PHF21B: variants seen among roughly 807,000 people sequenced by gnomAD.
PHF21B encodes PHD finger protein 21B.
A neutral mutation model predicts 62.2 loss-of-function variants in PHF21B; 22 were observed. The ratio of observed to expected loss-of-function variants is 0.35; its 90% CI spans 0.25 to 0.51. The LOEUF is 0.51. PHF21B is among the 20% of genes least tolerant of loss of function. The pLI, the probability that PHF21B is intolerant of heterozygous loss-of-function variation, is 0.97. For missense variants in PHF21B, 701 were observed against 707.9 expected, an observed-to-expected ratio of 0.99 and a Z score of 0.11; for synonymous variants, 341 against 314.7, an observed-to-expected ratio of 1.08 and a Z score of -0.88.
rs777104211 is a variant in PHF21B at position 44,916,300 on chromosome 22, G to A, written c.544C>T (p.Leu182Phe). Residue 182 changes from leucine (L) to phenylalanine (F), a missense_variant, in exon 4 of 13, where the codon CTC becomes TTC. Leu to Phe is a conservative substitution (Grantham distance 22). Transcript: ENST00000313237. ...VSDSIKVQPL[L>F]ISADNKPPPR... ...CTCACCTTGTTGTCAGCACTGATGAGGAGGGGCTGGACTTTGATGCTGTCA... is the reference window on the plus strand; with the variant it reads ...CTCACCTTGTTGTCAGCACTGATGAAGAGGGGCTGGACTTTGATGCTGTCA... 6.2e-7 allele frequency: 1 copy of A among 1,605,970 alleles called. No individual in the cohort carries two copies. The highest frequency in any genetic ancestry group is 1.7e-5 in the Admixed American group (1 of 57,580).
intron 2 of PHF21B, among the ~76,000 whole-genome samples, chr22:44,955,990 A>G (rs1165073457): frequency 6.6e-6 from 1 of 152,202 alleles, no homozygotes; most frequent in Non-Finnish European, 1.5e-5. Flanking sequence ...GGCCCACGAC[A>G]GGGAGGCACG....
chr22:44,965,049 G>A (rs1378506130), intron 2 of PHF21B, among the ~76,000 whole-genome samples: 1 of 152,164 alleles, frequency 6.6e-6, no homozygotes, highest in Admixed American at 6.5e-5. Context: ...CTGTGATATG[G>A]GGGGGCTCCC....
At chr22:45,008,794 C>G (rs2073373769) in intron 1 of PHF21B, 184 bp from the exon 2 acceptor site, 1 of 1,170,044 alleles carries the variant, frequency 8.5e-7, no homozygotes, top group Admixed American at 4.6e-5. Flanking sequence ...GGCCGCTTAC[C>G]TGTGGCTGCC....
At chr22:44,991,827 G>C (rs556924887) in intron 2 of PHF21B, among the ~76,000 whole-genome samples, 1 of 152,248 alleles carries the variant, frequency 6.6e-6, no homozygotes, top group Admixed American at 6.5e-5. Context: ...GGCTGCCCTC[G>C]CTGGCCTTAC....
At position 44,894,015 on chromosome 22, in the gene PHF21B, C is replaced by T. The variant is rs180833596; in HGVS notation, c.884-482G>A. 4.5e-3 allele frequency among the ~76,000 whole-genome samples: 679 copies of T among 152,328 alleles called. 5 individuals carry two copies. Among genetic ancestry groups the T allele is most frequent in the Non-Finnish European group, 5.2e-3 (351 of 68,026 alleles). ...TCCTTCGCATGCGAGCGAGAGGGGG[C>T]ATGGCCACACTGACGGTGTTTTCTT... On this transcript the variant is annotated intron_variant, in intron 6 of 12. Transcript: ENST00000313237.
At chr22:44,884,527 G>GCAC in intron 12 of PHF21B, among the ~76,000 whole-genome samples, 1 of 139,442 alleles carries the variant, frequency 7.2e-6, no homozygotes, top group South Asian at 2.4e-4. Context: ...ACTGTGATCA[G>GCAC]CACCATCATC....
chr22:44,975,375 A>T (rs1003166451), intron 2 of PHF21B, among the ~76,000 whole-genome samples: 1 of 151,920 alleles, frequency 6.6e-6, no homozygotes, highest in African/African-American at 2.4e-5. Flanking sequence ...GGTGTCTCAC[A>T]GAGCCATAAG....
At chr22:44,942,038 G>A (rs376570858) in intron 2 of PHF21B, among the ~76,000 whole-genome samples, 1 of 152,218 alleles carries the variant, frequency 6.6e-6, no homozygotes, top group Non-Finnish European at 1.5e-5. Flanking sequence ...AGGCCCAGTG[G>A]GGGGAATGCG....
chr22:44,965,110 GCCTGGGAC>G (rs2072499102), intron 2 of PHF21B, among the ~76,000 whole-genome samples: 1 of 152,144 alleles, frequency 6.6e-6, no homozygotes, highest in Non-Finnish European at 1.5e-5. Context: ...CTGAGTCCCA[GCCTGGGAC>G]TCAACCGGCT....
chr22:44,931,492 C>A (rs1044953326), intron 2 of PHF21B, among the ~76,000 whole-genome samples: 1 of 152,154 alleles, frequency 6.6e-6, no homozygotes, highest in Non-Finnish European at 1.5e-5. Context: ...AAGTGGCTAC[C>A]GTATGCTGAC....
intron 2 of PHF21B, among the ~76,000 whole-genome samples, chr22:44,984,176 TCACAACCACCATCATCAC>T (rs2072900859): frequency 7.1e-6 from 1 of 140,914 alleles, no homozygotes; most frequent in African/African-American, 2.6e-5. Context: ...ATCATCACCA[TCACAACCACCATCATCAC>T]CACCACTACC....
chr22:44,982,804 C>T (rs886064437), intron 2 of PHF21B, among the ~76,000 whole-genome samples: 3 of 152,068 alleles, frequency 2.0e-5, no homozygotes, highest in African/African-American at 4.8e-5. Flanking sequence ...GTGTGTATTA[C>T]GGGAGCAGCA....
chr22:44,922,442 G>A lies in PHF21B; in HGVS notation c.121-1952C>T, dbSNP rs576562590. On this transcript the variant is annotated intron_variant, in intron 2 of 12. Transcript: ENST00000313237. Reference sequence around the variant, plus strand: ...GAGGTCAGGAGTTCAAGACCAGCCTGACCAACATGGAGAAACCCCATCTCT... The same window carrying A: ...GAGGTCAGGAGTTCAAGACCAGCCTAACCAACATGGAGAAACCCCATCTCT... 3.9e-5 allele frequency among the ~76,000 whole-genome samples: 6 copies of A among 152,294 alleles called. No individual in the cohort carries two copies. The East Asian group carries it at 9.7e-4, about 25-fold the overall frequency.
rs368520909 is a variant in PHF21B, at chr22:44,913,233, G to A, written c.831+589C>T. On this transcript the variant is annotated intron_variant, in intron 5 of 12. Coordinates refer to ENST00000313237, the MANE Select transcript of PHF21B (RefSeq NM_138415.5). ...CCTTCAGGAGACATCTGCACCTCTCGTGCCAGCCTGGGGCACAGCTACTTC... is the reference window on the plus strand; with the variant it reads ...CCTTCAGGAGACATCTGCACCTCTCATGCCAGCCTGGGGCACAGCTACTTC... Among the ~76,000 whole-genome samples the A allele has an allele frequency of 2.0e-4, 31 of 152,302 alleles. No individual in the cohort carries two copies. In the South Asian group the frequency reaches 5.6e-3, roughly 27 times the overall value.
intron 2 of PHF21B, among the ~76,000 whole-genome samples, chr22:44,923,345 A>G (rs909999960): frequency 6.6e-6 from 1 of 152,084 alleles, no homozygotes; most frequent in African/African-American, 2.4e-5. Flanking sequence ...AAAAAAAAAA[A>G]AAGAACAAAT....
intron 2 of PHF21B, among the ~76,000 whole-genome samples, chr22:44,923,124 G>A (rs1233977014): frequency 6.6e-6 from 1 of 151,900 alleles, no homozygotes; most frequent in Non-Finnish European, 1.5e-5. Context: ...GTGTAGTATT[G>A]GTGTTAAGAT....
chr22:45,005,168 T>C (rs1474156735), intron 2 of PHF21B, among the ~76,000 whole-genome samples: 1 of 152,270 alleles, frequency 6.6e-6, no homozygotes, highest in South Asian at 2.1e-4. Flanking sequence ...TGCCCCTGCA[T>C]GTGCTGCAAT....
intron 2 of PHF21B, among the ~76,000 whole-genome samples, chr22:44,922,493 G>A (rs924820834): frequency 3.3e-5 from 5 of 152,236 alleles, no homozygotes; most frequent in Middle Eastern, 3.4e-3. Flanking sequence ...TTAGCCAGGC[G>A]TGATGGCACA....
In PHF21B at chr22:44,916,466, G is replaced by A. The variant is rs542782038; in HGVS notation, c.378C>T (p.Pro126=). ...CGGCGAGGGCCTGGGGCTGGCTGCC[G>A]GGCGCTGGCACATGGCTGACAGTGT... ...ANNTVSHVPA[P]GSQPQALAEP... is the part of the protein sequence containing the mutation. Residue 126 remains proline, a synonymous_variant, in exon 4 of 13, where the codon CCC becomes CCT. Transcript: ENST00000313237. 38 of 1,604,250 alleles carry A rather than the reference G, an allele frequency of 2.4e-5. No homozygotes were observed. The East Asian group carries it at 2.7e-4, about 11-fold the overall frequency.
Sources: allele counts gnomAD v4.1 joint callset (sites outside exome capture counted in the v4.1 genomes callset), GRCh38; gene constraint gnomAD v4.1.1; transcripts MANE v1.5; gene names NCBI Gene and HGNC (gene_info 2026-07-23, HGNC 2026-07-21).